TENM2: variants seen among roughly 807,000 people sequenced by gnomAD.
TENM2 encodes teneurin transmembrane protein 2.
A neutral mutation model predicts 245.2 loss-of-function variants in TENM2; 52 were observed. The observed-to-expected ratio is 0.21, with a 90% CI of 0.17 to 0.27. The LOEUF is 0.27. Among genes scored for constraint, TENM2 ranks in the 10% least tolerant of loss-of-function variants. The pLI is 1.00. For missense variants in TENM2, 3,046 were observed against 3,666.8 expected (o/e 0.83, Z 4.37); for synonymous variants, 1,363 against 1,438.9 (o/e 0.95, Z 1.19).
At chr5:168,079,789 C>T (rs540266440) in intron 7 of TENM2, among the ~76,000 whole-genome samples, 1 of 152,316 alleles carries the variant, frequency 6.6e-6, no homozygotes, top group East Asian at 1.9e-4. Context: ...CCCACTTGAT[C>T]ATAGTGGATA....
intron 11 of TENM2, among the ~76,000 whole-genome samples, chr5:168,125,945 C>A (rs1047308074): frequency 2.6e-5 from 4 of 152,140 alleles, no homozygotes; most frequent in Admixed American, 2.6e-4. Context: ...ACTGGCCCCA[C>A]TCCCCGGCCT....
chr5:168,243,883 T>C (rs1462907733), intron 25 of TENM2, among the ~76,000 whole-genome samples: 1 of 152,218 alleles, frequency 6.6e-6, no homozygotes, highest in African/African-American at 2.4e-5. Context: ...CTGCCTTATT[T>C]TTATATTCTA....
At chr5:167,760,494 C>G in intron 2 of TENM2, among the ~76,000 whole-genome samples, 1 of 152,158 alleles carries the variant, frequency 6.6e-6, no homozygotes, top group African/African-American at 2.4e-5. Context: ...TTCCCTTTCT[C>G]CTTGTTTTCT....
intron 17 of TENM2, among the ~76,000 whole-genome samples, 165 bp downstream of exon 19, chr5:168,200,296 G>C (rs1339197613): frequency 1.3e-5 from 2 of 152,184 alleles, no homozygotes; most frequent in East Asian, 3.8e-4. Context: ...TTACATTTTG[G>C]TGAGGTATTG....
chr5:167,840,190 A>G (rs1397420727), intron 2 of TENM2, among the ~76,000 whole-genome samples: 1 of 152,220 alleles, frequency 6.6e-6, no homozygotes, highest in East Asian at 1.9e-4. Context: ...AGTGGCAGCA[A>G]GTAATCATTT....
the TENM2 span, among the ~76,000 whole-genome samples, chr5:167,069,808 C>T: frequency 6.6e-6 from 1 of 152,070 alleles, no homozygotes; most frequent in Admixed American, 6.6e-5. Context: ...CAAAAATAAG[C>T]TTGAAAATAT....
At chr5:167,894,914 C>T (rs899947664) in intron 3 of TENM2, among the ~76,000 whole-genome samples, 5 of 130,322 alleles carry the variant, frequency 3.8e-5, no homozygotes, top group Admixed American at 1.7e-4. Context: ...TTCTACTCAC[C>T]CTGGAAAGAA....
chr5:167,033,966 C>T, the TENM2 span, among the ~76,000 whole-genome samples: 2 of 151,970 alleles, frequency 1.3e-5, no homozygotes, highest in African/African-American at 4.8e-5. Context: ...GTTGTAGAAC[C>T]CAGAGATTTT....
At chr5:167,607,150 A>G (rs572511289) in intron 2 of TENM2, among the ~76,000 whole-genome samples, 35 of 152,256 alleles carry the variant, frequency 2.3e-4, no homozygotes, top group African/African-American at 7.9e-4. Context: ...CGGCACTCTG[A>G]GTCACTTCTA....
At chr5:167,445,363 A>AGAGAGAGAGAGAGAGAGG (rs1561961822) in intron 2 of TENM2, among the ~76,000 whole-genome samples, 2 of 139,690 alleles carry the variant, frequency 1.4e-5, no homozygotes, top group African/African-American at 5.3e-5. Flanking sequence ...AGAGAGAGAG[A>AGAGAGAGAGAGAGAGAGG]GAGAGAGTGT....
At chr5:167,210,606 G>C in the TENM2 span, among the ~76,000 whole-genome samples, 2 of 151,610 alleles carry the variant, frequency 1.3e-5, no homozygotes, top group Non-Finnish European at 2.9e-5. Flanking sequence ...TGGGACTACA[G>C]GCGCCCGCCA....
chr5:168,056,587 G>A (rs1789560476), intron 6 of TENM2, among the ~76,000 whole-genome samples: 1 of 152,140 alleles, frequency 6.6e-6, no homozygotes, highest in African/African-American at 2.4e-5. Context: ...AAATGTTATA[G>A]TATAGTTACT....
intron 2 of TENM2, among the ~76,000 whole-genome samples, chr5:167,818,194 A>C (rs1189568654): frequency 2.0e-5 from 3 of 152,154 alleles, no homozygotes; most frequent in Admixed American, 1.3e-4. Flanking sequence ...TAATGTTCTC[A>C]GTTTTTATAC....
At chr5:167,444,525 A>G (rs1203481036) in intron 2 of TENM2, among the ~76,000 whole-genome samples, 1 of 152,216 alleles carries the variant, frequency 6.6e-6, no homozygotes, top group Non-Finnish European at 1.5e-5. Context: ...AACAAACTCA[A>G]GTTGAAAGAT....
chr5:167,238,379 G>A, the TENM2 span, among the ~76,000 whole-genome samples: 1 of 152,120 alleles, frequency 6.6e-6, no homozygotes, highest in Non-Finnish European at 1.5e-5. Flanking sequence ...TGAGGCTGAA[G>A]AACTAGTTAT....
At chr5:167,523,514 A>G (rs1415116880) in intron 2 of TENM2, among the ~76,000 whole-genome samples, 1 of 152,252 alleles carries the variant, frequency 6.6e-6, no homozygotes, top group Middle Eastern at 3.4e-3. Context: ...ATGTGTAGAC[A>G]CAATCTGGAT....
intron 2 of TENM2, among the ~76,000 whole-genome samples, chr5:167,623,286 T>G (rs1173003259): frequency 6.6e-6 from 1 of 152,174 alleles, no homozygotes; most frequent in Non-Finnish European, 1.5e-5. Flanking sequence ...TCCTGTTCTG[T>G]TCAGCAACAT....
At chr5:168,103,811 C>A (rs764938954) in intron 9 of TENM2, among the ~76,000 whole-genome samples, 6 of 152,156 alleles carry the variant, frequency 3.9e-5, no homozygotes, top group Admixed American at 1.3e-4. Flanking sequence ...GTGGCTATGA[C>A]AAGTTGTCAC....
intron 27 of TENM2, among the ~76,000 whole-genome samples, chr5:168,254,014 G>A (rs1355322042): frequency 3.3e-5 from 5 of 152,222 alleles, no homozygotes; most frequent in African/African-American, 1.2e-4. Flanking sequence ...TTAGCTTAAA[G>A]TCAGATTTTG....
Sources: gnomAD v4.1 joint callset for allele counts (sites outside exome capture counted in the v4.1 genomes callset) on GRCh38, gnomAD v4.1.1 for gene constraint, MANE v1.5 for transcripts, NCBI Gene and HGNC (gene_info 2026-07-23, HGNC 2026-07-21) for gene names.